ARHGAP29: variants seen among roughly 807,000 people sequenced by gnomAD.
The protein encoded by ARHGAP29 is rho GTPase-activating protein 29.
In ARHGAP29, 43 loss-of-function variants were observed where a neutral mutation model predicts 122.6. That is an observed-to-expected ratio of 0.35 (90% confidence interval 0.27 to 0.45). The LOEUF (loss-of-function observed/expected upper bound fraction) is 0.45, where lower values mean the gene tolerates loss of function less well. Ranked by LOEUF, ARHGAP29 falls within the 20% of genes least tolerant of loss-of-function variation. The pLI is 1.00. For synonymous variants in ARHGAP29, 506 were observed against 497.1 expected, an observed-to-expected ratio of 1.02 and a Z score of -0.24; for missense variants, 1,303 against 1,477.2, an observed-to-expected ratio of 0.88 and a Z score of 1.93.
the ARHGAP29 span, among the ~76,000 whole-genome samples, chr1:94,296,156 T>C: frequency 6.6e-6 from 1 of 152,226 alleles, no homozygotes; most frequent in African/African-American, 2.4e-5. Flanking sequence ...AGTTTTAAAT[T>C]GTGCACTATG....
the ARHGAP29 span, among the ~76,000 whole-genome samples, chr1:94,297,318 GTCACACAT>G: frequency 6.6e-6 from 1 of 152,128 alleles, no homozygotes; most frequent in Non-Finnish European, 1.5e-5. Context: ...AGTACTTTTT[GTCACACAT>G]ATTATTCAAT....
intron 12 of ARHGAP29, chr1:94,195,506 A>G (rs1650399005): frequency 6.6e-6 from 1 of 152,252 alleles, no homozygotes; most frequent in South Asian, 2.1e-4. Flanking sequence ...ATGAAGATAC[A>G]TAATAAAAAA....
At chr1:94,308,825 T>G in the ARHGAP29 span, among the ~76,000 whole-genome samples, 1 of 152,182 alleles carries the variant, frequency 6.6e-6, no homozygotes, top group African/African-American at 2.4e-5. Context: ...GGGGAGTCAG[T>G]GCTCGTGGAC....
intron 7 of ARHGAP29, among the ~76,000 whole-genome samples, chr1:94,204,340 C>T (rs1651064616): frequency 6.6e-6 from 1 of 152,102 alleles, no homozygotes. Context: ...TCATCAGAAT[C>T]AACTGGGAAA....
chr1:94,236,471 T>C lies in ARHGAP29; in HGVS notation c.-33+944A>G, dbSNP rs576282625. ...GTAACGACGGACAAAAGATAAACTA[T>C]AGACAAGAGATACAGTCACAGAGAC... is the stretch of plus-strand genomic sequence containing the variant. On this transcript the variant is annotated intron_variant, in intron 1 of 22. Coordinates refer to ENST00000260526, the MANE Select transcript of ARHGAP29 (RefSeq NM_004815.4). Among the ~76,000 whole-genome samples the C allele has an allele frequency of 5.9e-5, 9 of 152,010 alleles. No individual in the cohort carries two copies. In the East Asian group the frequency reaches 1.7e-3, roughly 29 times the overall value.
chr1:94,214,662 C>G (rs1045800237), intron 3 of ARHGAP29, among the ~76,000 whole-genome samples: 1 of 152,182 alleles, frequency 6.6e-6, no homozygotes, highest in Admixed American at 6.5e-5. Context: ...ACTCCATCCC[C>G]TCTATTAATA....
chr1:94,242,795 C>G (rs1462499723), intron 1 of ARHGAP29, among the ~76,000 whole-genome samples: 1 of 151,674 alleles, frequency 6.6e-6, no homozygotes, highest in Non-Finnish European at 1.5e-5. Context: ...AAAGTAAGAC[C>G]CAACTATATT....
intron 3 of ARHGAP29, among the ~76,000 whole-genome samples, chr1:94,211,611 C>T (rs1202999400): frequency 6.6e-6 from 1 of 152,050 alleles, no homozygotes; most frequent in Non-Finnish European, 1.5e-5. Context: ...GGCCATAAAA[C>T]AAGTCTTGAT....
chr1:94,232,933 T>G (rs989447562), intron 1 of ARHGAP29, among the ~76,000 whole-genome samples: 1 of 136,238 alleles, frequency 7.3e-6, no homozygotes, highest in African/African-American at 2.9e-5. Context: ...AGTTTTTTGG[T>G]TTTTTTTTTT....
intron 1 of ARHGAP29, among the ~76,000 whole-genome samples, chr1:94,265,512 T>TACC (rs1654735642): frequency 6.6e-6 from 1 of 152,146 alleles, no homozygotes; most frequent in African/African-American, 2.4e-5. Flanking sequence ...TCCAGGGACA[T>TACC]ACCTTGGGAA....
intron 4 of ARHGAP29, 52 bp downstream of exon 4, chr1:94,209,202 T>G: frequency 7.9e-7 from 1 of 1,268,012 alleles, no homozygotes; most frequent in Non-Finnish European, 1.1e-6. Context: ...TGCAACATAC[T>G]CTCACTAAGA....
At chr1:94,220,190 A>C in intron 3 of ARHGAP29, 68 bp downstream of exon 3, 1 of 1,573,882 alleles carries the variant, frequency 6.4e-7, no homozygotes, top group African/African-American at 1.4e-5. Flanking sequence ...TATATTCACT[A>C]TAGACCAAAA....
chr1:94,287,499 ATTAT>A, the ARHGAP29 span, among the ~76,000 whole-genome samples: 16 of 150,144 alleles, frequency 1.1e-4, no homozygotes, highest in African/African-American at 3.7e-4. Context: ...CTCTTTTACT[ATTAT>A]TATTATTATT....
chr1:94,223,064 C>T (rs993195405), intron 2 of ARHGAP29, among the ~76,000 whole-genome samples: 3 of 152,054 alleles, frequency 2.0e-5, no homozygotes, highest in African/African-American at 4.8e-5. Context: ...CTGCCTCAGC[C>T]TCCCGAGTAG....
chr1:94,289,649 A>G, the ARHGAP29 span, among the ~76,000 whole-genome samples: 1 of 152,170 alleles, frequency 6.6e-6, no homozygotes, highest in Non-Finnish European at 1.5e-5. Context: ...AGCTCTTATT[A>G]TTTTGAGATA....
chr1:94,209,667 T>A (rs1310710288), intron 3 of ARHGAP29, among the ~76,000 whole-genome samples: 1 of 152,126 alleles, frequency 6.6e-6, no homozygotes, highest in Admixed American at 6.6e-5. Context: ...ACACCACACC[T>A]CTCAATTATT....
the ARHGAP29 span, among the ~76,000 whole-genome samples, chr1:94,284,833 GAAGA>G: frequency 6.6e-6 from 1 of 152,182 alleles, no homozygotes; most frequent in South Asian, 2.1e-4. Flanking sequence ...CTTGGGCACA[GAAGA>G]AAGATAGTGG....
At position 94,184,137 on chromosome 1, in the gene ARHGAP29, G is replaced by T; in HGVS notation, c.2247+14C>A. ...TTTAATTTAATGGTGGGTTTCAAGG[G>T]TAAAAATTTTTACCTGCCGAAGGTA... On this transcript the variant is annotated intron_variant, in intron 19 of 22. Coordinates refer to ENST00000260526, the MANE Select transcript of ARHGAP29 (RefSeq NM_004815.4). 1 of 1,601,090 alleles carries T rather than the reference G, an allele frequency of 6.2e-7. No individual in the cohort carries two copies.
Position 94,179,727 on chromosome 1 carries a change from C to T in ARHGAP29, c.2478G>A (p.Lys826=). The T allele has an allele frequency of 6.3e-7, 1 of 1,596,420 alleles. No homozygotes were observed. The highest frequency in any genetic ancestry group is 1.3e-5 in the African/African-American group (1 of 74,330). Residue 826 remains lysine, a splice_region_variant and synonymous_variant, in exon 20 of 23, where the codon AAG becomes AAA. Coordinates refer to ENST00000260526, the MANE Select transcript of ARHGAP29 (RefSeq NM_004815.4). ...TTCTAGTTATATAAAATTCTTACCG[C>T]TTTAGATGTACTATAAGGAAATGAA... is the stretch of plus-strand genomic sequence containing the variant. ...NSLHFLIVHL[K]RVVDHAEENK...
Sources: allele counts gnomAD v4.1 joint callset (sites outside exome capture counted in the v4.1 genomes callset), GRCh38; gene constraint gnomAD v4.1.1; transcripts MANE v1.5; gene names NCBI Gene and HGNC (gene_info 2026-07-23, HGNC 2026-07-21).